The following IFT81 variants were observed in gnomAD, a reference collection of about 807,000 sequenced individuals.
IFT81 encodes intraflagellar transport protein 81 homolog.
Under a neutral mutation model 102.6 loss-of-function variants are expected in IFT81, and 72 were observed. The ratio of observed to expected loss-of-function variants is 0.70; its 90% confidence interval spans 0.58 to 0.85. The LOEUF is 0.85. IFT81 is among the 40% of genes least tolerant of loss of function. IFT81 has a pLI of 0.00. For missense variants in IFT81, 723 were observed against 787.3 expected, an observed-to-expected ratio of 0.92 and a Z score of 0.98; for synonymous variants, 237 against 242.7, an observed-to-expected ratio of 0.98 and a Z score of 0.22.
chr12:110,165,032 T>A (rs1896358203), intron 11 of IFT81, among the ~76,000 whole-genome samples: 1 of 152,120 alleles, frequency 6.6e-6, no homozygotes, highest in Non-Finnish European at 1.5e-5. Context: ...AGTGCCAGGT[T>A]ATTAGCCTTT....
chr12:110,192,484 T>C, intron 13 of IFT81, 133 bp from the exon 14 acceptor site: 2 of 532,782 alleles, frequency 3.8e-6, no homozygotes, highest in Non-Finnish European at 3.4e-6. Context: ...AGCACTTCTC[T>C]GTTGTTTGGG....
intron 4 of IFT81, among the ~76,000 whole-genome samples, chr12:110,129,994 C>G (rs1386492065): frequency 6.6e-6 from 1 of 152,120 alleles, no homozygotes; most frequent in Non-Finnish European, 1.5e-5. Flanking sequence ...CATGTCTTAT[C>G]CATCTTTATT....
chr12:110,153,229 T>C (rs1895640881), intron 10 of IFT81, among the ~76,000 whole-genome samples: 1 of 152,236 alleles, frequency 6.6e-6, no homozygotes, highest in African/African-American at 2.4e-5. Flanking sequence ...TTGATGTTTG[T>C]TATTTTTTAC....
chr12:110,192,813 G>A, intron 14 of IFT81, 107 bp downstream of exon 14: 1 of 624,608 alleles, frequency 1.6e-6, no homozygotes, highest in South Asian at 2.0e-5. Context: ...GGGTAATATA[G>A]AAAACAAATT....
At chr12:110,188,942 A>AT (rs1280067636) in intron 12 of IFT81, among the ~76,000 whole-genome samples, 4 of 151,932 alleles carry the variant, frequency 2.6e-5, no homozygotes, top group African/African-American at 9.7e-5. Flanking sequence ...AAAAAAAAAA[A>AT]GTCTTTCGTC....
chr12:110,198,729 T>C (rs747342902), intron 14 of IFT81, among the ~76,000 whole-genome samples: 1 of 152,192 alleles, frequency 6.6e-6, no homozygotes, highest in Non-Finnish European at 1.5e-5. Context: ...GTGTCTAATA[T>C]TGTTTATTTC....
chr12:110,161,846 AT>A (rs1390304281), intron 10 of IFT81, among the ~76,000 whole-genome samples: 4 of 152,116 alleles, frequency 2.6e-5, no homozygotes, highest in African/African-American at 9.7e-5. Context: ...GGACAATAGA[AT>A]TTTTTTAAGG....
At chr12:110,200,869 G>A (rs1167825324) in intron 14 of IFT81, among the ~76,000 whole-genome samples, 3 of 151,856 alleles carry the variant, frequency 2.0e-5, no homozygotes, top group Admixed American at 6.6e-5. Context: ...AGAATTGCTT[G>A]AACCCGGGAG....
intron 14 of IFT81, among the ~76,000 whole-genome samples, chr12:110,195,522 C>T (rs1043471493): frequency 6.6e-6 from 1 of 152,182 alleles, no homozygotes; most frequent in African/African-American, 2.4e-5. Context: ...AGGAAACCAG[C>T]TTACTTACTC....
At chr12:110,206,370 A>G (rs774012554) in intron 17 of IFT81, among the ~76,000 whole-genome samples, 3 of 152,254 alleles carry the variant, frequency 2.0e-5, no homozygotes, top group Non-Finnish European at 2.9e-5. Context: ...AAATGCAATC[A>G]TTGAACAACA....
intron 17 of IFT81, 59 bp from the exon 18 acceptor site, chr12:110,209,112 C>T (rs1390691493): frequency 3.3e-6 from 3 of 919,734 alleles, no homozygotes; most frequent in Non-Finnish European, 1.7e-6. Context: ...TTATAATTCA[C>T]TTGTATGATC....
intron 10 of IFT81, among the ~76,000 whole-genome samples, chr12:110,154,807 C>T (rs1405082270): frequency 2.0e-5 from 3 of 151,796 alleles, no homozygotes; most frequent in Non-Finnish European, 4.4e-5. Flanking sequence ...TTTTTGGCCA[C>T]AGTCTCACTC....
rs1405960067 is a variant in IFT81, at chr12:110,205,607, C to A, written c.1729C>A (p.Gln577Lys). ...TCTTTCTATTTAGAACCTAGAAGTT[C>A]AACTTCGTCGTGCTACTGATGAGAT... is the stretch of plus-strand genomic sequence containing the variant. ...TNCMIKNLEV[Q>K]LRRATDEMKA... Residue 577 changes from glutamine (Q) to lysine (K), a missense_variant, in exon 17 of 19, where the codon CAA becomes AAA. Physicochemically the swap from Gln to Lys is moderately conservative, Grantham distance 53. Transcript: ENST00000242591. 6.2e-7 allele frequency: 1 copy of A among 1,601,576 alleles called. No homozygotes were observed. The highest frequency in any genetic ancestry group is 8.5e-7 in the Non-Finnish European group (1 of 1,176,508).
chr12:110,216,746 G>C (rs576956653), intron 18 of IFT81: 1 of 386,112 alleles, frequency 2.6e-6, no homozygotes, highest in East Asian at 7.3e-5. Context: ...GGCTGGTCTC[G>C]AACTCCTGAC....
chr12:110,173,360 C>T (rs1328110658), intron 11 of IFT81, among the ~76,000 whole-genome samples: 2 of 150,136 alleles, frequency 1.3e-5, no homozygotes, highest in Admixed American at 1.3e-4. Flanking sequence ...GCCCCCCGCC[C>T]GGCCAGCCGC....
At chr12:110,187,019 A>T (rs1386739064) in intron 12 of IFT81, among the ~76,000 whole-genome samples, 1 of 136,642 alleles carries the variant, frequency 7.3e-6, no homozygotes, top group African/African-American at 2.8e-5. Context: ...CTACTGTGCT[A>T]TTTTTCCAGT....
At chr12:110,174,533 G>C (rs993630833) in intron 11 of IFT81, among the ~76,000 whole-genome samples, 1 of 151,208 alleles carries the variant, frequency 6.6e-6, no homozygotes, top group African/African-American at 2.4e-5. Flanking sequence ...GTCTTGTCAA[G>C]TCTTCACAGC....
chr12:110,128,849 G>C, intron 3 of IFT81, 101 bp from the exon 4 acceptor site: 1 of 668,158 alleles, frequency 1.5e-6, no homozygotes, highest in Non-Finnish European at 2.4e-6. Context: ...GTTACAGAAA[G>C]CAATTTGGAC....
Position 110,149,857 on chromosome 12 carries a change from G to A in IFT81, c.1041+2809G>A, listed in dbSNP as rs116315266. Among the ~76,000 whole-genome samples, 587 of 152,154 alleles carry A rather than the reference G, an allele frequency of 3.9e-3. 5 individuals are homozygous for A. The highest frequency in any genetic ancestry group is 0.013 in the African/African-American group (535 of 41,504). ...GGCCACTTGTGTGTCTGCCTGCTAG[G>A]GTCCCGGGGGTTTTTATAGGCACAG... On this transcript the variant is annotated intron_variant, in intron 10 of 18. Coordinates refer to ENST00000242591, the MANE Select transcript of IFT81 (RefSeq NM_014055.4).
Sources: gnomAD v4.1 joint callset for allele counts (sites outside exome capture counted in the v4.1 genomes callset) on GRCh38, gnomAD v4.1.1 for gene constraint, MANE v1.5 for transcripts, NCBI Gene and HGNC (gene_info 2026-07-23, HGNC 2026-07-21) for gene names.